TOM1L1: variants seen among roughly 807,000 people sequenced by gnomAD.
TOM1L1 encodes TOM1-like protein 1.
TOM1L1 carries 64 observed loss-of-function variants against 63.4 expected under a neutral mutation model. That is an observed-to-expected ratio of 1.01 (90% confidence interval 0.83 to 1.24). TOM1L1 has a LOEUF of 1.24. TOM1L1 is among the 50% of genes most tolerant of loss of function. The pLI, the probability that TOM1L1 is intolerant of heterozygous loss-of-function variation, is 0.00. For missense variants in TOM1L1, 536 were observed against 567.0 expected, an observed-to-expected ratio of 0.95 and a Z score of 0.55; for synonymous variants, 166 against 194.4, an observed-to-expected ratio of 0.85 and a Z score of 1.22.
chr17:54,961,227 T>A lies in TOM1L1; in HGVS notation c.*2-8T>A. 1.3e-6 allele frequency: 2 copies of A among 1,509,142 alleles called. No individual in the cohort carries two copies. The highest frequency in any genetic ancestry group is 1.4e-5 in the African/African-American group (1 of 72,448). 93.5% of individuals were successfully genotyped at this position (1,509,142 alleles called of 1,614,324 possible). ...TGAATACTGGCCATTTTCTTCTCTTTATTTTAGAAGAAAGTGGATGATCAG... is the reference window on the plus strand; with the variant it reads ...TGAATACTGGCCATTTTCTTCTCTTAATTTTAGAAGAAAGTGGATGATCAG... On this transcript the variant is annotated splice_polypyrimidine_tract_variant and splice_region_variant and intron_variant, in intron 15 of 15. Transcript: ENST00000575882.
At chr17:54,941,701 C>G (rs1484775117) in intron 11 of TOM1L1, among the ~76,000 whole-genome samples, 1 of 152,170 alleles carries the variant, frequency 6.6e-6, no homozygotes, top group East Asian at 1.9e-4. Context: ...TAATCTGTAA[C>G]CTACTTGGAT....
chr17:54,910,946 T>C (rs985514991), intron 3 of TOM1L1, among the ~76,000 whole-genome samples: 5 of 152,258 alleles, frequency 3.3e-5, no homozygotes, highest in African/African-American at 1.2e-4. Flanking sequence ...GCTTCTATTC[T>C]GCAGAGATGA....
At chr17:54,906,224 T>C (rs1390719873) in intron 3 of TOM1L1, among the ~76,000 whole-genome samples, 1 of 152,166 alleles carries the variant, frequency 6.6e-6, no homozygotes, top group African/African-American at 2.4e-5. Flanking sequence ...ATCCCAGCAC[T>C]TCGGGAGGCC....
At chr17:54,952,906 T>C (rs2049307938) in intron 14 of TOM1L1, 1 of 152,206 alleles carries the variant, frequency 6.6e-6, no homozygotes, top group African/African-American at 2.4e-5. Context: ...AAAAGGAGAA[T>C]GGGATGTTTG....
intron 14 of TOM1L1, chr17:54,952,771 G>C (rs537378227): frequency 6.6e-6 from 1 of 152,270 alleles, no homozygotes; most frequent in East Asian, 1.9e-4. Context: ...GTCATATGAG[G>C]CCCCAAGTCT....
chr17:54,951,047 C>A (rs2049219798), intron 14 of TOM1L1, among the ~76,000 whole-genome samples: 1 of 152,126 alleles, frequency 6.6e-6, no homozygotes, highest in African/African-American at 2.4e-5. Flanking sequence ...CAGTCCCCAC[C>A]ACCCCGACAC....
intron 1 of TOM1L1, among the ~76,000 whole-genome samples, chr17:54,902,537 A>G (rs1597994922): frequency 6.6e-6 from 1 of 152,152 alleles, no homozygotes; most frequent in East Asian, 1.9e-4. Flanking sequence ...TGATCTACCC[A>G]CCTCGGCCTC....
intron 3 of TOM1L1, among the ~76,000 whole-genome samples, chr17:54,912,195 T>A (rs2048507571): frequency 6.6e-6 from 1 of 152,192 alleles, no homozygotes; most frequent in Non-Finnish European, 1.5e-5. Flanking sequence ...CACCTAGCCC[T>A]AAATAATCAC....
chr17:54,920,104 A>G (rs963941445), intron 7 of TOM1L1, among the ~76,000 whole-genome samples: 2 of 152,064 alleles, frequency 1.3e-5, no homozygotes, highest in Admixed American at 6.5e-5. Flanking sequence ...CATCTGAAGG[A>G]GTCACGTCAA....
At chr17:54,932,049 G>T (rs1303724795) in intron 8 of TOM1L1, among the ~76,000 whole-genome samples, 1 of 151,214 alleles carries the variant, frequency 6.6e-6, no homozygotes, top group African/African-American at 2.4e-5. Context: ...CCACCTTCTG[G>T]GTTCAGGCGA....
At chr17:54,949,419 A>T (rs184401502) in intron 12 of TOM1L1, 99 bp from the exon 13 acceptor site, 81 of 851,108 alleles carry the variant, frequency 9.5e-5, no homozygotes, top group Non-Finnish European at 1.5e-4. Flanking sequence ...TCCAGTTCAA[A>T]GTTCTTGGAA....
chr17:54,909,708 A>T (rs2048467497), intron 3 of TOM1L1, among the ~76,000 whole-genome samples: 1 of 152,170 alleles, frequency 6.6e-6, no homozygotes, highest in African/African-American at 2.4e-5. Flanking sequence ...GCTTAGGATA[A>T]GTGATTTGCC....
chr17:54,954,629 G>A (rs1166273571), intron 14 of TOM1L1: 3 of 152,292 alleles, frequency 2.0e-5, no homozygotes. Flanking sequence ...CAAGGTTCCA[G>A]TCCCCGAGTA....
Position 54,924,850 on chromosome 17 carries a change from T to A in TOM1L1, c.721-5223T>A, listed in dbSNP as rs376557339. ...TATGAGATGGGGACTTTACCTTCAT[T>A]TATTTTTTCAATTTGATGGCTGGTT... On this transcript the variant is annotated intron_variant, in intron 7 of 15. Transcript: ENST00000575882. Among the ~76,000 whole-genome samples, 11 of 152,338 alleles carry A rather than the reference T, an allele frequency of 7.2e-5. No homozygotes were observed. In the East Asian group the frequency reaches 1.7e-3, roughly 24 times the overall value.
chr17:54,904,231 A>C (rs2048373877), intron 2 of TOM1L1, among the ~76,000 whole-genome samples: 1 of 152,100 alleles, frequency 6.6e-6, no homozygotes. Context: ...TTAGCCAGGC[A>C]TGGTGGCGGG....
intron 8 of TOM1L1, among the ~76,000 whole-genome samples, chr17:54,931,311 GGGTT>G (rs1567831877): frequency 1.3e-5 from 2 of 152,188 alleles, no homozygotes; most frequent in South Asian, 2.1e-4. Flanking sequence ...CCTTTTTAGA[GGGTT>G]GGGCTTTTTT....
chr17:54,947,418 G>C, intron 12 of TOM1L1, 106 bp downstream of exon 12: 1 of 1,271,350 alleles, frequency 7.9e-7, no homozygotes, highest in East Asian at 2.4e-5. Flanking sequence ...GTATTGTGTT[G>C]ATGCGCAGCC....
In TOM1L1 at chr17:54,949,695, T is replaced by C; in HGVS notation, c.1288+72T>C. The C allele has an allele frequency of 3.2e-6, 4 of 1,259,392 alleles. No homozygotes were observed. The South Asian group carries it at 3.7e-5, about 12-fold the overall frequency. 78.0% of individuals were successfully genotyped at this position (1,259,392 alleles called of 1,614,324 possible). A position where few individuals can be genotyped will look rare whatever the true frequency, so the allele number is the denominator to read the frequency against. ...ATATATGAGTCTGCCAGAGATTCAT[T>C]GGTAACTGAAAATAGGAGAAATTAG... On this transcript the variant is annotated intron_variant, in intron 13 of 15. Coordinates refer to ENST00000575882, the MANE Select transcript of TOM1L1 (RefSeq NM_005486.3).
At position 54,912,653 on chromosome 17, in the gene TOM1L1, T is replaced by G. The variant is rs993667165; in HGVS notation, c.223-13T>G. Reference sequence around the variant, plus strand: ...CCAGATAAATATAATGTTTAATTTTTTTTCTAATTTAGCTTATTGACATGT... The same window carrying G: ...CCAGATAAATATAATGTTTAATTTTGTTTCTAATTTAGCTTATTGACATGT... On this transcript the variant is annotated splice_polypyrimidine_tract_variant and intron_variant, in intron 3 of 15. Transcript: ENST00000575882. 2 of 1,517,316 alleles carry G rather than the reference T, an allele frequency of 1.3e-6. No homozygotes were observed. The highest frequency in any genetic ancestry group is 1.4e-5 in the African/African-American group (1 of 70,298). 94.0% of individuals were successfully genotyped at this position (1,517,316 alleles called of 1,614,324 possible).
Sources: gnomAD v4.1 joint callset for allele counts (sites outside exome capture counted in the v4.1 genomes callset) on GRCh38, gnomAD v4.1.1 for gene constraint, MANE v1.5 for transcripts, NCBI Gene and HGNC (gene_info 2026-07-23, HGNC 2026-07-21) for gene names.